The following P3H1 variants were observed in gnomAD, a reference collection of about 807,000 sequenced individuals.
P3H1 encodes growth suppressor 1.
P3H1 carries 69 observed loss-of-function variants against 84.0 expected under a neutral mutation model. The observed-to-expected ratio is 0.82, with a 90% confidence interval of 0.68 to 1.00. The LOEUF (loss-of-function observed/expected upper bound fraction) is 1.00. Among genes scored for constraint, P3H1 ranks in the 50% least tolerant of loss-of-function variants. P3H1 has a pLI of 0.00. For missense variants in P3H1, 878 were observed against 962.8 expected, an observed-to-expected ratio of 0.91 and a Z score of 1.17; for synonymous variants, 366 against 388.8, an observed-to-expected ratio of 0.94 and a Z score of 0.69.
intron 11 of P3H1, among the ~76,000 whole-genome samples, chr1:42,748,985 C>T (rs1651883519): frequency 6.6e-6 from 1 of 152,258 alleles, no homozygotes. Context: ...CCACCTCCTG[C>T]ACCTTCCCGG....
chr1:42,752,199 C>A lies in P3H1; in HGVS notation c.1569+75G>T. ...TCACCTTTCCTGCCACCAGCCCCAA[C>A]TCTTCCTCAAAGCCTGAGCTTCCCC... is the stretch of plus-strand genomic sequence containing the variant. On this transcript the variant is annotated intron_variant, in intron 10 of 14. Transcript: ENST00000296388. 3 of 1,266,724 alleles carry A rather than the reference C, an allele frequency of 2.4e-6. No individual in the cohort carries two copies. In the Admixed American group the frequency reaches 5.0e-5, roughly 21 times the overall value. The allele number at this position is 1,266,724 out of a possible 1,614,324, so 78.5% of individuals were successfully genotyped here.
At chr1:42,747,067 C>T in intron 14 of P3H1, 7 of 1,614,218 alleles carry the variant, frequency 4.3e-6, no homozygotes, top group Non-Finnish European at 5.1e-6. Context: ...ACCTCTTTCC[C>T]CACCTGGATC....
At chr1:42,757,383 G>C (rs1488969774) in intron 5 of P3H1, among the ~76,000 whole-genome samples, 1 of 152,102 alleles carries the variant, frequency 6.6e-6, no homozygotes, top group Non-Finnish European at 1.5e-5. Context: ...AAGAAGAAGA[G>C]ATGGGAAAGA....
chr1:42,749,939 G>A (rs990566621), intron 11 of P3H1: 13 of 532,416 alleles, frequency 2.4e-5, no homozygotes, highest in Non-Finnish European at 3.4e-5. Flanking sequence ...GACAAGTGAC[G>A]GGTGGCCCCC....
rs970741510 is a variant in P3H1, at chr1:42,755,754, C to T, written c.1081-117G>A. ...CCCATGTGACCTGAGGCCTCCTCTCCCTACCAATGCTCTCTGTCTGTTCCC... is the reference window on the plus strand; with the variant it reads ...CCCATGTGACCTGAGGCCTCCTCTCTCTACCAATGCTCTCTGTCTGTTCCC... On this transcript the variant is annotated intron_variant, in intron 5 of 14. Coordinates refer to ENST00000296388, the MANE Select transcript of P3H1 (RefSeq NM_022356.4). 2.6e-5 allele frequency: 19 copies of T among 741,756 alleles called. No homozygotes were observed. In the African/African-American group the frequency reaches 3.0e-4, roughly 12 times the overall value. The allele number at this position is 741,756 out of a possible 1,614,324, so 45.9% of individuals were successfully genotyped here. A position where few individuals can be genotyped will look rare whatever the true frequency, so the allele number is the denominator to read the frequency against.
chr1:42,758,008 G>C, intron 4 of P3H1, 86 bp from the exon 5 acceptor site: 1 of 1,271,156 alleles, frequency 7.9e-7, no homozygotes, highest in Non-Finnish European at 1.1e-6. Context: ...TTAGTGTTCA[G>C]TCTCCACAAA....
At chr1:42,747,029 C>G in intron 14 of P3H1, 177 bp from the exon 15 acceptor site, 1 of 1,614,194 alleles carries the variant, frequency 6.2e-7, no homozygotes, top group Non-Finnish European at 8.5e-7. Flanking sequence ...AGGAGGGAAC[C>G]AAGAACTCAG....
At chr1:42,752,244 A>G in intron 10 of P3H1, 30 bp downstream of exon 10, 1 of 1,571,630 alleles carries the variant, frequency 6.4e-7, no homozygotes, top group Non-Finnish European at 8.8e-7. Context: ...CCCTTTCTCC[A>G]CACTCTAGAA....
In P3H1 at chr1:42,752,291, C is replaced by T; in HGVS notation, c.1552G>A (p.Val518Ile). 7 of 1,613,880 alleles carry T rather than the reference C, an allele frequency of 4.3e-6. No homozygotes were observed. Among genetic ancestry groups the T allele is most frequent in the Non-Finnish European group, 5.9e-6 (7 of 1,179,854 alleles). The change falls in exon 10 of 15, where the codon GTC becomes ATC. Residue 518 changes from valine to isoleucine, a missense_variant. Val to Ile is a conservative substitution (Grantham distance 29). Coordinates refer to ENST00000296388, the MANE Select transcript of P3H1 (RefSeq NM_022356.4). ...GATCTTACCTTGAGGGCTTTGAAGA[C>T]AGTGACACCATAGAACTTTTCATTG... ...TPNEKFYGVT[V>I]FKALKLGQEG...
intron 1 of P3H1, among the ~76,000 whole-genome samples, chr1:42,763,991 G>A (rs1262961096): frequency 6.6e-6 from 1 of 151,944 alleles, no homozygotes; most frequent in Non-Finnish European, 1.5e-5. Context: ...ATAGCTGGGC[G>A]TGGTGGCATG....
At position 42,767,024 on chromosome 1, in the gene P3H1, C is replaced by T. The variant is rs1289424445; in HGVS notation, c.-53G>A. Reference sequence around the variant, plus strand: ...AGCCACCCGCCACCAAGGCCGGAGTCCTACCCCCGGCGAAGGCCCGCCCCC... The same window carrying T: ...AGCCACCCGCCACCAAGGCCGGAGTTCTACCCCCGGCGAAGGCCCGCCCCC... On this transcript the variant is annotated 5_prime_UTR_variant, in exon 1 of 15. Transcript: ENST00000296388. 3.8e-6 allele frequency: 6 copies of T among 1,581,314 alleles called. No individual in the cohort carries two copies. In the East Asian group the frequency reaches 9.1e-5, roughly 24 times the overall value.
rs748644513 is a variant in P3H1 at position 42,746,702 on chromosome 1, G to A, written c.2206C>T (p.Leu736=). ...SGSESKPKDE[L] is the part of the protein sequence containing the mutation. The stretch of plus-strand genomic sequence containing the variant: ...TCCGTCTGACCTGGACGCTGTCATA[G>A]CTCATCCTTGGGCTTCGATTCACTG... The change falls in exon 15 of 15, where the codon CTA becomes TTA. Residue 736 remains leucine (L), a synonymous_variant. Coordinates refer to ENST00000296388, the MANE Select transcript of P3H1 (RefSeq NM_022356.4). 1.9e-6 allele frequency: 3 copies of A among 1,551,452 alleles called. No individual in the cohort carries two copies. The highest frequency in any genetic ancestry group is 2.4e-5 in the South Asian group (2 of 84,066).
At position 42,755,211 on chromosome 1, in the gene P3H1, A is replaced by C. The variant is rs1212274856; in HGVS notation, c.1177T>G (p.Trp393Gly). The change falls in exon 7 of 15, where the codon TGG (tryptophan) becomes GGG (glycine). Residue 393 changes from tryptophan to glycine, a missense_variant. Physicochemically the swap from Trp to Gly is radical, Grantham distance 184. Coordinates refer to ENST00000296388, the MANE Select transcript of P3H1 (RefSeq NM_022356.4). ...FGIPFVDPDS[W>G]TPEEVIPKRL... Reference sequence around the variant, plus strand: ...TTGGGAATCACTTCTTCTGGAGTCCATGAATCCTAAGTAGGTCAGGAAGAA... The same window carrying C: ...TTGGGAATCACTTCTTCTGGAGTCCCTGAATCCTAAGTAGGTCAGGAAGAA... 6.2e-7 allele frequency: 1 copy of C among 1,613,946 alleles called. No individual in the cohort carries two copies. Among genetic ancestry groups the C allele is most frequent in the Admixed American group, 1.7e-5 (1 of 60,010 alleles).
intron 5 of P3H1, 77 bp from the exon 6 acceptor site, chr1:42,755,714 C>G (rs979457167): frequency 9.3e-7 from 1 of 1,070,468 alleles, no homozygotes; most frequent in African/African-American, 1.5e-5. Flanking sequence ...CTCCCTGGCA[C>G]CCCACACTGA....
chr1:42,759,325 T>A lies in P3H1; in HGVS notation c.684A>T (p.Leu228=). The change falls in exon 3 of 15, where the codon CTA becomes CTT. Residue 228 remains leucine, a synonymous_variant. Transcript: ENST00000296388. The part of the protein sequence containing the change: ...EEQPQEAVPH[L]EAALQEYFVA... The stretch of plus-strand genomic sequence containing the variant: ...CAAAGTATTCTTGCAGCGCCGCCTC[T>A]AGGTGGGGCACAGCTTCCTGTGGCT... The A allele has an allele frequency of 1.2e-6, 2 of 1,614,150 alleles. No individual in the cohort carries two copies. The highest frequency in any genetic ancestry group is 2.2e-5 in the South Asian group (2 of 91,086).
At chr1:42,762,539 A>G in intron 1 of P3H1, 64 bp from the exon 2 acceptor site, 1 of 1,566,900 alleles carries the variant, frequency 6.4e-7, no homozygotes, top group South Asian at 1.1e-5. Context: ...TTGTGTCCAC[A>G]TGAGCAGTCC....
At position 42,750,806 on chromosome 1, in the gene P3H1, C is replaced by T. The variant is rs1270126783; in HGVS notation, c.1570-470G>A. Among the ~76,000 whole-genome samples the T allele has an allele frequency of 5.4e-5, 8 of 148,220 alleles. No homozygotes were observed. The South Asian group carries it at 1.1e-3, about 20-fold the overall frequency. Reference sequence around the variant, plus strand: ...CCTCTGCCCGGCCAGCCGCCCCGTCCGGGAGGGAGGTGGGGGGGTCAGCCC... The same window carrying T: ...CCTCTGCCCGGCCAGCCGCCCCGTCTGGGAGGGAGGTGGGGGGGTCAGCCC... On this transcript the variant is annotated intron_variant, in intron 10 of 14. Transcript: ENST00000296388.
Position 42,750,356 on chromosome 1 carries a change from T to C in P3H1, c.1570-20A>G. On this transcript the variant is annotated intron_variant, in intron 10 of 14. Coordinates refer to ENST00000296388, the MANE Select transcript of P3H1 (RefSeq NM_022356.4). ...CCCCAGCTGCCAAGGAGACAGATGG[T>C]CAGCTGCCCTCAACGACTGATATGG... is the stretch of plus-strand genomic sequence containing the variant. The C allele has an allele frequency of 2.5e-6, 4 of 1,613,502 alleles. No homozygotes were observed. The highest frequency in any genetic ancestry group is 3.4e-6 in the Non-Finnish European group (4 of 1,179,852).
chr1:42,751,416 G>A (rs1387078124), intron 10 of P3H1, among the ~76,000 whole-genome samples: 2 of 121,594 alleles, frequency 1.6e-5, no homozygotes, highest in African/African-American at 3.1e-5. Context: ...TAAGTACCCA[G>A]GGACACAAAC....
Sources: allele counts gnomAD v4.1 joint callset (sites outside exome capture counted in the v4.1 genomes callset), GRCh38; gene constraint gnomAD v4.1.1; transcripts MANE v1.5; gene names NCBI Gene and HGNC (gene_info 2026-07-23, HGNC 2026-07-21).